Variants in PDE11A observed in about 807,000 individuals in gnomAD.
The protein encoded by PDE11A is phosphodiesterase 11A.
In PDE11A, 100 loss-of-function variants were observed where a neutral mutation model predicts 100.5. The observed-to-expected ratio is 1.00, with a 90% CI of 0.85 to 1.18. The LOEUF (loss-of-function observed/expected upper bound fraction) is 1.18. Among genes scored for constraint, PDE11A ranks in the 50% most tolerant of loss-of-function variants. PDE11A has a pLI of 0.00. For missense variants in PDE11A, 1,141 were observed against 1,152.6 expected (o/e 0.99, Z 0.15); for synonymous variants, 381 against 420.8 (o/e 0.91, Z 1.16).
At chr2:178,096,739 C>A (rs2087496927) in intron 2 of PDE11A, among the ~76,000 whole-genome samples, 1 of 152,198 alleles carries the variant, frequency 6.6e-6, no homozygotes, top group Non-Finnish European at 1.5e-5. Flanking sequence ...ACTTCATTGT[C>A]CACATCACTG....
intron 1 of PDE11A, among the ~76,000 whole-genome samples, chr2:178,062,562 G>C (rs2086986454): frequency 6.6e-6 from 1 of 152,112 alleles, no homozygotes; most frequent in Admixed American, 6.5e-5. Context: ...GCAACCCTGG[G>C]ATAATCTTTC....
chr2:177,915,934 A>G (rs2084945735), intron 2 of PDE11A, among the ~76,000 whole-genome samples: 1 of 152,032 alleles, frequency 6.6e-6, no homozygotes, highest in Non-Finnish European at 1.5e-5. Context: ...ACTCCCTGTC[A>G]TTTTGCTTAC....
intron 10 of PDE11A, among the ~76,000 whole-genome samples, chr2:177,750,190 C>T (rs2082007139): frequency 1.3e-5 from 2 of 152,196 alleles, no homozygotes; most frequent in African/African-American, 4.8e-5. Flanking sequence ...TAAAGACTTG[C>T]TCTCTGAGTG....
At chr2:178,008,845 C>A (rs545193563) in intron 2 of PDE11A, among the ~76,000 whole-genome samples, 1 of 152,256 alleles carries the variant, frequency 6.6e-6, no homozygotes, top group East Asian at 1.9e-4. Flanking sequence ...GGTGGCGGAA[C>A]ATGTCGGCAT....
rs1469522170 is a variant in PDE11A at position 177,631,322 on chromosome 2, A to AAAAAAAAAAAAAAAAAAAAAAAAAC, written c.2647-1761_2647-1760insGTTTTTTTTTTTTTTTTTTTTTTTT. Among the ~76,000 whole-genome samples the AAAAAAAAAAAAAAAAAAAAAAAAAC allele has an allele frequency of 5.3e-4, 9 of 16,892 alleles. 2 individuals are homozygous for AAAAAAAAAAAAAAAAAAAAAAAAAC. Among genetic ancestry groups the AAAAAAAAAAAAAAAAAAAAAAAAAC allele is most frequent in the African/African-American group, 8.3e-4 (9 of 10,848 alleles). The allele number at this position is 16,892 out of a possible 152,430, so 11.1% of individuals were successfully genotyped here. A position where few individuals can be genotyped will look rare whatever the true frequency, so the allele number is the denominator to read the frequency against. ...AAAAAAAAAAAAAACAAAAAAAAAA[A>AAAAAAAAAAAAAAAAAAAAAAAAAC]CAACCTAGGCGTGGTGGCACATGCC... On this transcript the variant is annotated intron_variant, in intron 19 of 19. Coordinates refer to ENST00000286063, the MANE Select transcript of PDE11A (RefSeq NM_016953.4).
At chr2:177,820,336 C>A in intron 6 of PDE11A, 41 bp from the exon 7 acceptor site, 2 of 1,062,802 alleles carry the variant, frequency 1.9e-6, no homozygotes, top group Non-Finnish European at 2.9e-6. Flanking sequence ...TGAATATTAA[C>A]TATTCATTTT....
chr2:177,991,608 C>T (rs1363156086), intron 2 of PDE11A, among the ~76,000 whole-genome samples: 2 of 151,174 alleles, frequency 1.3e-5, no homozygotes, highest in African/African-American at 4.9e-5. Flanking sequence ...GCACTCCAGC[C>T]TGGGCAACAG....
chr2:177,777,947 G>A (rs1322909390), intron 9 of PDE11A, among the ~76,000 whole-genome samples: 1 of 152,200 alleles, frequency 6.6e-6, no homozygotes, highest in African/African-American at 2.4e-5. Context: ...TTGTTGGTGA[G>A]CTCTGACTTA....
At chr2:177,663,130 A>G (rs1410102568) in intron 19 of PDE11A, among the ~76,000 whole-genome samples, 4 of 152,230 alleles carry the variant, frequency 2.6e-5, no homozygotes, top group African/African-American at 9.6e-5. Flanking sequence ...AAGCCAATGT[A>G]CAATAAACTG....
intron 14 of PDE11A, 87 bp from the exon 15 acceptor site, chr2:177,697,519 G>C (rs1253366121): frequency 1.4e-6 from 1 of 738,800 alleles, no homozygotes; most frequent in Non-Finnish European, 2.4e-6. Context: ...AAAAAGTCTG[G>C]GAACATTAAA....
At chr2:177,960,282 G>C (rs2085615741) in intron 2 of PDE11A, among the ~76,000 whole-genome samples, 1 of 151,906 alleles carries the variant, frequency 6.6e-6, no homozygotes, top group Non-Finnish European at 1.5e-5. Context: ...CATCCACCTA[G>C]AAGACAGAAG....
intron 2 of PDE11A, among the ~76,000 whole-genome samples, chr2:178,103,183 T>TG (rs36092127): frequency 1.6e-4 from 24 of 151,636 alleles, no homozygotes; most frequent in Admixed American, 9.2e-4. Context: ...ACATTTCCAG[T>TG]GGGGGGGGAA....
chr2:177,841,749 T>C (rs929530385), intron 5 of PDE11A, among the ~76,000 whole-genome samples: 5 of 152,188 alleles, frequency 3.3e-5, no homozygotes, highest in Admixed American at 2.6e-4. Context: ...TAAACTTTAT[T>C]CTCTATGGCT....
intron 10 of PDE11A, among the ~76,000 whole-genome samples, chr2:177,747,612 C>T (rs2105472988): frequency 6.6e-6 from 1 of 152,360 alleles, no homozygotes; most frequent in Middle Eastern, 3.4e-3. Context: ...TGGAATTATC[C>T]TTTTCACCTT....
Position 177,631,544 on chromosome 2 carries a change from T to TAC in PDE11A, c.2647-1983_2647-1982insGT, listed in dbSNP as rs1210249901. On this transcript the variant is annotated intron_variant, in intron 19 of 19. Coordinates refer to ENST00000286063, the MANE Select transcript of PDE11A (RefSeq NM_016953.4). Reference sequence around the variant, plus strand: ...ATATATATATATATATATATATATATATACACATGTATATATATATATATA... The same window carrying TAC: ...ATATATATATATATATATATATATATACATACACATGTATATATATATATATA... Among the ~76,000 whole-genome samples the TAC allele has an allele frequency of 8.6e-3, 139 of 16,146 alleles. 7 individuals are homozygous for TAC. The highest frequency in any genetic ancestry group is 0.024 in the African/African-American group (132 of 5,502). 10.6% of individuals were successfully genotyped at this position (16,146 alleles called of 152,430 possible).
At chr2:177,746,064 G>A (rs1355188746) in intron 10 of PDE11A, among the ~76,000 whole-genome samples, 1 of 152,144 alleles carries the variant, frequency 6.6e-6, no homozygotes. Flanking sequence ...AAAATAACAA[G>A]GCATAGGAAG....
intron 1 of PDE11A, among the ~76,000 whole-genome samples, chr2:178,031,710 CT>C (rs1186756299): frequency 6.6e-6 from 1 of 152,030 alleles, no homozygotes; most frequent in Non-Finnish European, 1.5e-5. Flanking sequence ...GGAAGACTGA[CT>C]CTCATACATC....
At chr2:177,916,273 T>G (rs1018550879) in intron 2 of PDE11A, among the ~76,000 whole-genome samples, 1 of 152,232 alleles carries the variant, frequency 6.6e-6, no homozygotes, top group African/African-American at 2.4e-5. Flanking sequence ...GGAATTAACC[T>G]TTGAGCAAGA....
chr2:177,805,462 G>T (rs1379335763), intron 9 of PDE11A, among the ~76,000 whole-genome samples: 1 of 151,898 alleles, frequency 6.6e-6, no homozygotes, highest in Non-Finnish European at 1.5e-5. Context: ...CTGTATTCCA[G>T]AAAAGGAGTA....
Sources: allele counts gnomAD v4.1 joint callset (sites outside exome capture counted in the v4.1 genomes callset), GRCh38; gene constraint gnomAD v4.1.1; transcripts MANE v1.5; gene names NCBI Gene and HGNC (gene_info 2026-07-23, HGNC 2026-07-21).